NDUFA9: variants seen among roughly 807,000 people sequenced by gnomAD.
NDUFA9 encodes the protein NADH dehydrogenase [ubiquinone] 1 alpha subcomplex subunit 9, mitochondrial.
Under a neutral mutation model 45.9 loss-of-function variants are expected in NDUFA9, and 23 were observed. The observed-to-expected ratio is 0.50, with a 90% CI of 0.36 to 0.71. The LOEUF is 0.71. Among genes scored for constraint, NDUFA9 ranks in the 30% least tolerant of loss-of-function variants. NDUFA9 has a pLI of 0.00. For synonymous variants in NDUFA9, 176 were observed against 170.5 expected (o/e 1.03, Z -0.25); for missense variants, 466 against 488.2 (o/e 0.95, Z 0.43).
chr12:4,665,684 G>C (rs1044889587), intron 6 of NDUFA9, among the ~76,000 whole-genome samples: 1 of 150,672 alleles, frequency 6.6e-6, no homozygotes, highest in Non-Finnish European at 1.5e-5. Flanking sequence ...ATTTTACATT[G>C]CCACCAACAG....
intron 8 of NDUFA9, among the ~76,000 whole-genome samples, chr12:4,680,953 G>C (rs1302638891): frequency 6.6e-6 from 1 of 152,162 alleles, no homozygotes; most frequent in African/African-American, 2.4e-5. Flanking sequence ...GGAACGTTCA[G>C]AAACAGTCCC....
chr12:4,688,470 T>G lies in NDUFA9; in HGVS notation c.*1362T>G, dbSNP rs1482912896. On this transcript the variant is annotated 3_prime_UTR_variant, in exon 11 of 11. Transcript: ENST00000266544. ...ACTGCACTTCAGCTTGGACTGAAGA[T>G]CCTGTCTCAGAAAAAAAAAAAAAAA... 8.6e-6 allele frequency: 1 copy of G among 115,920 alleles called. No individual in the cohort carries two copies. Among genetic ancestry groups the G allele is most frequent in the Non-Finnish European group, 1.7e-5 (1 of 58,622 alleles). 7.2% of individuals were successfully genotyped at this position (115,920 alleles called of 1,614,324 possible).
intron 1 of NDUFA9, among the ~76,000 whole-genome samples, chr12:4,649,599 T>G (rs1945743092): frequency 6.6e-6 from 1 of 152,210 alleles, no homozygotes; most frequent in African/African-American, 2.4e-5. Flanking sequence ...TTAATGGGTC[T>G]CAATTCATAT....
chr12:4,662,530 T>C lies in NDUFA9; in HGVS notation c.553-3T>C. On this transcript the variant is annotated splice_region_variant and splice_polypyrimidine_tract_variant and intron_variant, in intron 5 of 10. Coordinates refer to ENST00000266544, the MANE Select transcript of NDUFA9 (RefSeq NM_005002.5). The stretch of plus-strand genomic sequence containing the variant: ...AAAACAGGTTTGTTTGGTTATTGTT[T>C]AGGCTGTTGGAGAGAAAGTAGTGAG... The C allele has an allele frequency of 6.2e-7, 1 of 1,612,676 alleles. No homozygotes were observed. The highest frequency in any genetic ancestry group is 8.5e-7 in the Non-Finnish European group (1 of 1,178,718).
chr12:4,670,147 A>G (rs1009634), intron 8 of NDUFA9, among the ~76,000 whole-genome samples: 139,151 of 152,236 alleles, frequency 0.91, 63,831 homozygotes, highest in Middle Eastern at 0.98. Flanking sequence ...TTTAGGGAGT[A>G]AGTATGGTTA....
intron 8 of NDUFA9, among the ~76,000 whole-genome samples, chr12:4,681,090 A>G (rs1046172085): frequency 6.6e-6 from 1 of 152,104 alleles, no homozygotes; most frequent in Admixed American, 6.5e-5. Flanking sequence ...ATATAATTAC[A>G]TGTTTACCTT....
chr12:4,671,198 A>G (rs1945885187), intron 8 of NDUFA9, among the ~76,000 whole-genome samples: 1 of 151,990 alleles, frequency 6.6e-6, no homozygotes. Flanking sequence ...TATGAATTAT[A>G]TTATGTTGGT....
chr12:4,682,440 G>C, intron 9 of NDUFA9, 140 bp downstream of exon 9: 1 of 476,278 alleles, frequency 2.1e-6, no homozygotes, highest in East Asian at 3.2e-5. Flanking sequence ...GCATAGAGAA[G>C]AAGCAGAAAT....
At chr12:4,659,731 A>G (rs1945813052) in intron 5 of NDUFA9, among the ~76,000 whole-genome samples, 1 of 152,180 alleles carries the variant, frequency 6.6e-6, no homozygotes, top group African/African-American at 2.4e-5. Context: ...AAACGTGTTC[A>G]TTATCAGGGA....
At chr12:4,684,667 C>T (rs1945973620) in intron 9 of NDUFA9, among the ~76,000 whole-genome samples, 1 of 152,130 alleles carries the variant, frequency 6.6e-6, no homozygotes, top group African/African-American at 2.4e-5. Flanking sequence ...GATGGGAGCT[C>T]AAGTGGCACG....
chr12:4,664,076 T>C (rs77905968), intron 6 of NDUFA9, among the ~76,000 whole-genome samples: 17,016 of 152,206 alleles, frequency 0.11, 988 homozygotes, highest in South Asian at 0.14. Context: ...TCCTCCCGAC[T>C]GCTTACAACA....
In NDUFA9 at chr12:4,668,429, G is replaced by T. The variant is rs747603490; in HGVS notation, c.656-28G>T. ...TCTTACAGCAATTTAAGCCTTCTCA[G>T]TATAGTTCTCATTCTTTCTTCCGCT... is the stretch of plus-strand genomic sequence containing the variant. On this transcript the variant is annotated intron_variant, in intron 6 of 10. Coordinates refer to ENST00000266544, the MANE Select transcript of NDUFA9 (RefSeq NM_005002.5). 1.9e-6 allele frequency: 3 copies of T among 1,582,272 alleles called. No individual in the cohort carries two copies. In the South Asian group the frequency reaches 3.3e-5, roughly 18 times the overall value.
At chr12:4,685,163 C>T in intron 9 of NDUFA9, 96 bp from the exon 10 acceptor site, 1 of 1,062,112 alleles carries the variant, frequency 9.4e-7, no homozygotes, top group Non-Finnish European at 1.5e-6. Flanking sequence ...TCAGACTGCT[C>T]TACAGCGGTC....
At chr12:4,650,303 A>G (rs1425212714) in intron 1 of NDUFA9, among the ~76,000 whole-genome samples, 1 of 152,044 alleles carries the variant, frequency 6.6e-6, no homozygotes, top group Non-Finnish European at 1.5e-5. Flanking sequence ...GTGGTGGTGC[A>G]CATCACTTAT....
intron 6 of NDUFA9, among the ~76,000 whole-genome samples, chr12:4,666,509 A>G (rs1044899083): frequency 6.6e-6 from 1 of 152,138 alleles, no homozygotes; most frequent in Non-Finnish European, 1.5e-5. Context: ...TAAGAGTTTT[A>G]GAGTTTTAGC....
rs1002433874 is a variant in NDUFA9, at chr12:4,655,297, G to A, written c.318+375G>A. 5 of 196,012 alleles carry A rather than the reference G, an allele frequency of 2.6e-5. No homozygotes were observed. In the East Asian group the frequency reaches 6.8e-4, roughly 27 times the overall value. 12.1% of individuals were successfully genotyped at this position (196,012 alleles called of 1,614,324 possible). ...AAAATGAGGCTGCAGGCTGAATTTG[G>A]CCTATGGACTATAGTTTATCAATCC... is the stretch of plus-strand genomic sequence containing the variant. On this transcript the variant is annotated intron_variant, in intron 3 of 10. Transcript: ENST00000266544.
intron 8 of NDUFA9, 100 bp downstream of exon 8, chr12:4,669,917 A>G (rs1945876153): frequency 1.1e-6 from 1 of 899,326 alleles, no homozygotes; most frequent in Admixed American, 1.9e-5. Context: ...CTTTTACAAT[A>G]TCAAAATCTC....
At chr12:4,679,108 C>G (rs1945937828) in intron 8 of NDUFA9, among the ~76,000 whole-genome samples, 1 of 152,174 alleles carries the variant, frequency 6.6e-6, no homozygotes, top group Admixed American at 6.5e-5. Flanking sequence ...GAAATATTGA[C>G]ATGTTACATG....
At chr12:4,652,064 A>G (rs1184465888) in intron 1 of NDUFA9, among the ~76,000 whole-genome samples, 2 of 152,196 alleles carry the variant, frequency 1.3e-5, no homozygotes, top group African/African-American at 2.4e-5. Flanking sequence ...TCTCAGCTTT[A>G]CAGAGAAATC....
Sources: gnomAD v4.1 joint callset for allele counts (sites outside exome capture counted in the v4.1 genomes callset) on GRCh38, gnomAD v4.1.1 for gene constraint, MANE v1.5 for transcripts, NCBI Gene and HGNC (gene_info 2026-07-23, HGNC 2026-07-21) for gene names.